The following NINJ2 variants were observed in gnomAD, a reference collection of about 807,000 sequenced individuals.
NINJ2 encodes ninjurin-2.
A neutral mutation model predicts 11.7 loss-of-function variants in NINJ2; 12 were observed. The observed-to-expected ratio is 1.02, with a 90% CI of 0.66 to 1.66. The LOEUF is 1.66. Among genes scored for constraint, NINJ2 ranks in the 40% most tolerant of loss-of-function variants. The pLI, the probability that NINJ2 is intolerant of heterozygous loss-of-function variation, is 0.00. For missense variants in NINJ2, 187 were observed against 181.8 expected, an observed-to-expected ratio of 1.03 and a Z score of -0.16; for synonymous variants, 93 against 76.8, an observed-to-expected ratio of 1.21 and a Z score of -1.10.
intron 1 of NINJ2, among the ~76,000 whole-genome samples, chr12:597,626 G>T (rs1297003655): frequency 6.6e-6 from 1 of 152,242 alleles, no homozygotes; most frequent in African/African-American, 2.4e-5. Flanking sequence ...AAGAAGTCTC[G>T]AAGACATTGC....
chr12:627,403 C>T (rs1948221703), intron 1 of NINJ2, among the ~76,000 whole-genome samples: 1 of 152,102 alleles, frequency 6.6e-6, no homozygotes, highest in Non-Finnish European at 1.5e-5. Context: ...TTTCTAATTT[C>T]TAAATGAATG....
rs1412794290 is a variant in NINJ2, at chr12:660,689, G to T, written c.33+2639C>A. Among the ~76,000 whole-genome samples the T allele has an allele frequency of 2.0e-5, 3 of 152,082 alleles. No individual in the cohort carries two copies. In the East Asian group the frequency reaches 5.8e-4, roughly 30 times the overall value. On this transcript the variant is annotated intron_variant, in intron 1 of 3. Coordinates refer to ENST00000305108, the MANE Select transcript of NINJ2 (RefSeq NM_016533.6). Reference sequence around the variant, plus strand: ...TGAAACTATAAAGATGGCCAGCTATGGTGGCTCACACCTGTAATCCCAGCA... The same window carrying T: ...TGAAACTATAAAGATGGCCAGCTATTGTGGCTCACACCTGTAATCCCAGCA...
intron 1 of NINJ2, among the ~76,000 whole-genome samples, chr12:577,120 T>C (rs977797130): frequency 9.9e-5 from 15 of 152,194 alleles, no homozygotes; most frequent in Admixed American, 1.3e-4. Context: ...AGTGATACAC[T>C]TTACAAACTG....
rs1257061860 is a variant in NINJ2 at position 581,027 on chromosome 12, G to T, written c.34-14849C>A. ...GTGTGAATGTGTGTGTTCATGTCTT[G>T]TGTATGTGTCTGTGTGTGTCTGTGT... On this transcript the variant is annotated intron_variant, in intron 1 of 3. Transcript: ENST00000305108. This position sits in a 1 kb window ranked among gnomAD's most constrained non-coding sequence, Gnocchi z 4.9. Among the ~76,000 whole-genome samples, 2 of 151,296 alleles carry T rather than the reference G, an allele frequency of 1.3e-5. No homozygotes were observed. Among genetic ancestry groups the T allele is most frequent in the African/African-American group, 4.9e-5 (2 of 41,142 alleles).
intron 1 of NINJ2, among the ~76,000 whole-genome samples, chr12:637,763 C>T (rs557275557): frequency 1.8e-3 from 275 of 152,276 alleles, no homozygotes; most frequent in Non-Finnish European, 3.2e-3. Flanking sequence ...ACCCAATTCC[C>T]TGTGGCAACC....
intron 1 of NINJ2, among the ~76,000 whole-genome samples, chr12:639,674 G>A (rs1948396867): frequency 6.6e-6 from 1 of 152,164 alleles, no homozygotes; most frequent in Admixed American, 6.5e-5. Context: ...GCTACTGAGA[G>A]AACATGACCA....
At position 566,189 on chromosome 12, in the gene NINJ2, G is replaced by A; in HGVS notation, c.34-11C>T. Reference sequence around the variant, plus strand: ...GTCGGAGCTTCCAGGCTGTAGGGGAGAAAGCACAGACTTACCAAGGGGAGC... The same window carrying A: ...GTCGGAGCTTCCAGGCTGTAGGGGAAAAAGCACAGACTTACCAAGGGGAGC... On this transcript the variant is annotated splice_polypyrimidine_tract_variant and intron_variant, in intron 1 of 3. Transcript: ENST00000305108. The A allele has an allele frequency of 6.2e-7, 1 of 1,608,042 alleles. No individual in the cohort carries two copies. The highest frequency in any genetic ancestry group is 8.5e-7 in the Non-Finnish European group (1 of 1,175,800).
chr12:603,144 G>C (rs1309239256), intron 1 of NINJ2, among the ~76,000 whole-genome samples: 7 of 152,002 alleles, frequency 4.6e-5, no homozygotes, highest in Admixed American at 2.6e-4. Context: ...GCCTGTTTGC[G>C]GTTTTGAGTT....
chr12:626,169 G>C (rs1948208141), intron 1 of NINJ2, among the ~76,000 whole-genome samples: 1 of 152,196 alleles, frequency 6.6e-6, no homozygotes, highest in Non-Finnish European at 1.5e-5. Context: ...GTAATGTTTT[G>C]ACCTCACTGG....
intron 1 of NINJ2, among the ~76,000 whole-genome samples, chr12:647,326 G>A (rs550022579): frequency 2.0e-5 from 3 of 152,138 alleles, no homozygotes; most frequent in East Asian, 1.9e-4. Context: ...TGTCAAACAC[G>A]TCTCTTTCCT....
At chr12:641,543 T>TA (rs1158017489) in intron 1 of NINJ2, among the ~76,000 whole-genome samples, 1 of 152,134 alleles carries the variant, frequency 6.6e-6, no homozygotes, top group Non-Finnish European at 1.5e-5. Flanking sequence ...ACTCTTGTGC[T>TA]AAAGAAACAG....
At chr12:603,656 C>T (rs1471241991) in intron 1 of NINJ2, among the ~76,000 whole-genome samples, 2 of 150,506 alleles carry the variant, frequency 1.3e-5, no homozygotes, top group Non-Finnish European at 2.9e-5. Flanking sequence ...GTTGAAAAGA[C>T]TATTCTTTTT....
At chr12:593,315 T>G (rs139091753) in intron 1 of NINJ2, among the ~76,000 whole-genome samples, 62 of 152,264 alleles carry the variant, frequency 4.1e-4, no homozygotes, top group Non-Finnish European at 7.1e-4. Flanking sequence ...TCAGTCAACT[T>G]TGAAACAGAT....
chr12:605,292 T>G (rs111669701), intron 1 of NINJ2, among the ~76,000 whole-genome samples: 4 of 152,254 alleles, frequency 2.6e-5, no homozygotes, highest in African/African-American at 4.8e-5. Context: ...TTCAGAACAC[T>G]GGGACACCCA....
At chr12:565,078 G>A (rs1318656449) in intron 3 of NINJ2, 139 bp downstream of exon 3, 3 of 672,780 alleles carry the variant, frequency 4.5e-6, no homozygotes, top group Non-Finnish European at 7.3e-6. Flanking sequence ...GGCTCTTGCA[G>A]ATCCTCTCCT....
chr12:661,392 A>G (rs1223063641), intron 1 of NINJ2, among the ~76,000 whole-genome samples: 1 of 152,262 alleles, frequency 6.6e-6, no homozygotes, highest in Non-Finnish European at 1.5e-5. Context: ...AAGGTGGACA[A>G]TAAATTGTAG....
intron 1 of NINJ2, among the ~76,000 whole-genome samples, chr12:571,415 C>A (rs1947374281): frequency 6.7e-6 from 1 of 148,592 alleles, no homozygotes; most frequent in Non-Finnish European, 1.5e-5. Context: ...GCCTGGCAGA[C>A]GTGGGTTTGG....
At chr12:566,759 ACATG>A (rs529890289) in intron 1 of NINJ2, among the ~76,000 whole-genome samples, 2 of 152,346 alleles carry the variant, frequency 1.3e-5, no homozygotes, top group African/African-American at 4.8e-5. Context: ...CTCAGCATAC[ACATG>A]CATGCATGCA....
chr12:643,383 G>A, intron 1 of NINJ2: 2 of 941,196 alleles, frequency 2.1e-6, no homozygotes, highest in Middle Eastern at 2.9e-4. Context: ...GGAGGAAAGG[G>A]TCGCAGCTGC....
Sources: allele counts gnomAD v4.1 joint callset (sites outside exome capture counted in the v4.1 genomes callset), GRCh38; gene constraint gnomAD v4.1.1; non-coding constraint Gnocchi (gnomAD v3.1); transcripts MANE v1.5; gene names NCBI Gene and HGNC (gene_info 2026-07-23, HGNC 2026-07-21).